Variants in INPP5D observed in about 807,000 individuals in gnomAD.
INPP5D encodes inositol polyphosphate-5-phosphatase D.
INPP5D carries 33 observed loss-of-function variants against 122.9 expected under a neutral mutation model. The ratio of observed to expected loss-of-function variants is 0.27; its 90% CI spans 0.20 to 0.36. The LOEUF is 0.36. INPP5D is among the 10% of genes least tolerant of loss of function. The pLI, the probability that INPP5D is intolerant of heterozygous loss-of-function variation, is 1.00. For synonymous variants in INPP5D, 584 were observed against 576.2 expected, an observed-to-expected ratio of 1.01 and a Z score of -0.19; for missense variants, 1,053 against 1,412.7, an observed-to-expected ratio of 0.75 and a Z score of 4.08.
chr2:233,166,000 T>G (rs1215039213), intron 13 of INPP5D, among the ~76,000 whole-genome samples: 5 of 151,950 alleles, frequency 3.3e-5, no homozygotes, highest in Admixed American at 1.3e-4. Flanking sequence ...TAACAGGAAA[T>G]AGAAGAATTG....
At chr2:233,132,882 A>G (rs551974350) in intron 5 of INPP5D, among the ~76,000 whole-genome samples, 1 of 130,642 alleles carries the variant, frequency 7.7e-6, no homozygotes. Context: ...CAGATGAACA[A>G]GAATTTTTTT....
At chr2:233,205,028 A>G in intron 26 of INPP5D, 1 of 352,320 alleles carries the variant, frequency 2.8e-6, no homozygotes, top group Non-Finnish European at 5.1e-6. Context: ...TCAGTCCCAG[A>G]GGAAGAAGAT....
intron 2 of INPP5D, among the ~76,000 whole-genome samples, chr2:233,085,936 G>T (rs890178200): frequency 2.0e-4 from 31 of 152,114 alleles, no homozygotes; most frequent in Admixed American, 6.5e-4. Flanking sequence ...CAGATCATGG[G>T]CCTGTTTCCT....
intron 19 of INPP5D, among the ~76,000 whole-genome samples, 165 bp downstream of exon 19, chr2:233,182,664 G>T (rs897768696): frequency 2.0e-5 from 3 of 152,088 alleles, no homozygotes; most frequent in Non-Finnish European, 2.9e-5. Flanking sequence ...CAGCACAATT[G>T]CAGTCCAGAG....
Position 233,198,259 on chromosome 2 carries a change from T to A in INPP5D, c.2858T>A (p.Leu953Gln). The A allele has an allele frequency of 4.3e-6, 7 of 1,613,490 alleles. No homozygotes were observed. Among genetic ancestry groups the A allele is most frequent in the Non-Finnish European group, 5.9e-6 (7 of 1,179,860 alleles). The change falls in exon 25 of 27, where the codon CTG (leucine) becomes CAG (glutamine). Residue 953 changes from leucine to glutamine, a missense_variant. Leu to Gln is a moderately radical substitution (Grantham distance 113). Transcript: ENST00000445964. ...GACCAGCCGCCCAAGGACTCCCCGC[T>A]GGGGCCCTGCAGGGGAGAAAGTCCT... ...SYDQPPKDSP[L>Q]GPCRGESPPT...
At chr2:233,117,649 T>TCCCTATGCCCTGTCCCTACATGTTCTC (rs1417745099) in intron 2 of INPP5D, among the ~76,000 whole-genome samples, 12 of 152,306 alleles carry the variant, frequency 7.9e-5, no homozygotes, top group African/African-American at 2.9e-4. Context: ...GTTATTGGTA[T>TCCCTATGCCCTGTCCCTACATGTTCTC]CCCTATGCCC....
intron 18 of INPP5D, among the ~76,000 whole-genome samples, chr2:233,179,616 A>C (rs1302054287): frequency 1.3e-5 from 2 of 152,224 alleles, no homozygotes; most frequent in African/African-American, 2.4e-5. Context: ...CCAGAGAGGC[A>C]GCAGTGTCTT....
intron 1 of INPP5D, among the ~76,000 whole-genome samples, chr2:233,061,976 C>T (rs1222715961): frequency 3.9e-5 from 6 of 152,254 alleles, no homozygotes; most frequent in Admixed American, 3.9e-4. Context: ...GTCTGCAGCC[C>T]CACCTCCAAA....
chr2:233,118,872 C>T (rs1311780229), intron 2 of INPP5D, among the ~76,000 whole-genome samples: 3 of 152,270 alleles, frequency 2.0e-5, no homozygotes, highest in Non-Finnish European at 4.4e-5. Context: ...CATTCTCTCC[C>T]TTCCTGGGAA....
chr2:233,204,564 G>T lies in INPP5D; in HGVS notation c.3414G>T (p.Thr1138=), dbSNP rs748929850. The change falls in exon 26 of 27, where the codon ACG becomes ACT. Residue 1138 remains threonine (T), a synonymous_variant. Transcript: ENST00000445964. ...EINQQTPPTP[T]PRPPLPVKSP... ...ACCAGCAGACCCCGCCCACCCCGAC[G>T]CCGCGGCCGCCGCTGCCAGTCAAGA... 1.3e-6 allele frequency: 2 copies of T among 1,565,534 alleles called. 1 individual carries two copies. Among genetic ancestry groups the T allele is most frequent in the South Asian group, 2.3e-5 (2 of 85,290 alleles).
chr2:233,089,101 T>C (rs1271232540), intron 2 of INPP5D, among the ~76,000 whole-genome samples: 1 of 152,068 alleles, frequency 6.6e-6, no homozygotes. Context: ...TTTGGATAAC[T>C]GAGGAAGACA....
intron 10 of INPP5D, 80 bp downstream of exon 10, chr2:233,158,499 G>T: frequency 1.6e-6 from 1 of 619,162 alleles, no homozygotes; most frequent in South Asian, 1.9e-5. Context: ...GTGTGCCAGG[G>T]AGTGTATCAT....
Position 233,204,270 on chromosome 2 carries a change from C to A in INPP5D, c.3120C>A (p.Pro1040=). The A allele has an allele frequency of 6.2e-7, 1 of 1,613,562 alleles. No homozygotes were observed. ...CTCCCAGGAAGGACCAGGAATCCCC[C>A]AAAATGCCGCGGAAGGAACCCCCGC... ...KPAPRKDQES[P]KMPRKEPPPC... The change falls in exon 26 of 27, where the codon CCC becomes CCA. Residue 1040 remains proline, a synonymous_variant. Transcript: ENST00000445964.
chr2:233,174,796 A>T (rs1203471158), intron 17 of INPP5D, among the ~76,000 whole-genome samples: 1 of 151,412 alleles, frequency 6.6e-6, no homozygotes. Flanking sequence ...TGTCTCAAAA[A>T]AAAAAAAAAA....
intron 5 of INPP5D, among the ~76,000 whole-genome samples, chr2:233,135,574 T>G (rs11690230): frequency 0.84 from 126,765 of 151,120 alleles, 53,857 homozygotes; most frequent in Non-Finnish European, 0.92. Context: ...GCTTTAAAAT[T>G]GTCGACATTT....
chr2:233,068,993 G>C (rs912629689), intron 1 of INPP5D, among the ~76,000 whole-genome samples: 2 of 129,104 alleles, frequency 1.5e-5, no homozygotes, highest in African/African-American at 6.0e-5. Context: ...TCCAATTGAG[G>C]GGGTGGGTGC....
At chr2:233,089,473 G>A (rs1691937713) in intron 2 of INPP5D, among the ~76,000 whole-genome samples, 1 of 152,208 alleles carries the variant, frequency 6.6e-6, no homozygotes, top group Non-Finnish European at 1.5e-5. Flanking sequence ...GCAGCCTGGG[G>A]CGCTGGGCTG....
At chr2:233,194,832 T>TA (rs1695141941) in intron 23 of INPP5D, among the ~76,000 whole-genome samples, 1 of 146,998 alleles carries the variant, frequency 6.8e-6, no homozygotes, top group Non-Finnish European at 1.5e-5. Flanking sequence ...GAGACAGTCT[T>TA]ACTCTGTAGC....
intron 19 of INPP5D, 123 bp from the exon 20 acceptor site, chr2:233,184,285 C>T: frequency 7.3e-7 from 1 of 1,372,384 alleles, no homozygotes; most frequent in Non-Finnish European, 9.8e-7. Flanking sequence ...AGTTCTCCTC[C>T]CACTAGACTC....
Sources: allele counts gnomAD v4.1 joint callset (sites outside exome capture counted in the v4.1 genomes callset), GRCh38; gene constraint gnomAD v4.1.1; transcripts MANE v1.5; gene names NCBI Gene and HGNC (gene_info 2026-07-23, HGNC 2026-07-21).